The following DTNBP1 variants were observed in gnomAD, a reference collection of about 807,000 sequenced individuals.
The protein encoded by DTNBP1 is dystrobrevin binding protein 1.
In DTNBP1, 35 loss-of-function variants were observed where a neutral mutation model predicts 42.8. That is an observed-to-expected ratio of 0.82 (90% CI 0.63 to 1.09). DTNBP1 has a LOEUF of 1.09. DTNBP1 is among the 50% of genes least tolerant of loss of function. DTNBP1 has a pLI of 0.00. For synonymous variants in DTNBP1, 171 were observed against 162.2 expected, an observed-to-expected ratio of 1.05 and a Z score of -0.41; for missense variants, 457 against 424.2, an observed-to-expected ratio of 1.08 and a Z score of -0.68.
chr6:15,530,311 C>G (rs1033380023), intron 8 of DTNBP1, among the ~76,000 whole-genome samples: 13 of 152,222 alleles, frequency 8.5e-5, no homozygotes, highest in Non-Finnish European at 1.9e-4. Flanking sequence ...GTGTGGCTGT[C>G]TCTCAGCTCT....
intron 4 of DTNBP1, among the ~76,000 whole-genome samples, chr6:15,634,712 C>T (rs566454781): frequency 6.6e-6 from 1 of 152,134 alleles, no homozygotes; most frequent in South Asian, 2.1e-4. Flanking sequence ...TACATTTCCC[C>T]CAAATAATAC....
At chr6:15,603,917 C>T (rs1776828411) in intron 6 of DTNBP1, among the ~76,000 whole-genome samples, 1 of 152,156 alleles carries the variant, frequency 6.6e-6, no homozygotes, top group South Asian at 2.1e-4. Flanking sequence ...CCTGTATTAT[C>T]AGGTGAATAT....
intron 7 of DTNBP1, among the ~76,000 whole-genome samples, chr6:15,558,254 T>C (rs552024392): frequency 5.9e-4 from 89 of 151,670 alleles, no homozygotes; most frequent in Non-Finnish European, 1.1e-3. Flanking sequence ...TAATCAACTA[T>C]AAGATTCTGA....
At chr6:15,633,391 C>T (rs2619547) in intron 4 of DTNBP1, among the ~76,000 whole-genome samples, 38,308 of 152,072 alleles carry the variant, frequency 0.25, 5,594 homozygotes, top group African/African-American at 0.4. Flanking sequence ...ACATTCATGA[C>T]TCATGGGAGG....
At chr6:15,597,753 AACAG>A (rs1181510373) in intron 6 of DTNBP1, among the ~76,000 whole-genome samples, 1 of 152,338 alleles carries the variant, frequency 6.6e-6, no homozygotes, top group East Asian at 1.9e-4. Flanking sequence ...AGTTGGACCC[AACAG>A]ACACTCAGCA....
In DTNBP1 at chr6:15,556,721, G is replaced by C. The variant is rs146985301; in HGVS notation, c.512-23326C>G. Among the ~76,000 whole-genome samples the C allele has an allele frequency of 2.2e-3, 328 of 152,218 alleles. 1 individual carries two copies. Among genetic ancestry groups the C allele is most frequent in the Non-Finnish European group, 3.7e-3 (252 of 68,004 alleles). ...CCTGGCCTCCCTGAGCTCCTCGCCT[G>C]CCCAGCCCCATTTCAGGCAATGCTA... On this transcript the variant is annotated intron_variant, in intron 7 of 9. Coordinates refer to ENST00000344537, the MANE Select transcript of DTNBP1 (RefSeq NM_032122.5).
chr6:15,633,669 G>C lies in DTNBP1; in HGVS notation c.222+4075C>G, dbSNP rs149662434. 1.4e-3 allele frequency among the ~76,000 whole-genome samples: 209 copies of C among 152,186 alleles called. 1 individual carries two copies. Among genetic ancestry groups the C allele is most frequent in the African/African-American group, 4.7e-3 (197 of 41,524 alleles). Reference sequence around the variant, plus strand: ...TCAAACAGCATTGCATGCTACAGAGGAATCTTTTGTGAAAGGAAGAGTCAA... The same window carrying C: ...TCAAACAGCATTGCATGCTACAGAGCAATCTTTTGTGAAAGGAAGAGTCAA... On this transcript the variant is annotated intron_variant, in intron 4 of 9. Transcript: ENST00000344537.
intron 7 of DTNBP1, among the ~76,000 whole-genome samples, chr6:15,549,845 G>A (rs1341305998): frequency 1.3e-5 from 2 of 152,144 alleles, no homozygotes; most frequent in Admixed American, 6.5e-5. Context: ...CATTTTCATA[G>A]GACACTACAG....
chr6:15,621,671 C>T (rs925439182), intron 5 of DTNBP1, among the ~76,000 whole-genome samples: 5 of 152,232 alleles, frequency 3.3e-5, no homozygotes, highest in Admixed American at 3.3e-4. Context: ...AAAAGCTTCA[C>T]AGGCTCCCCA....
chr6:15,544,841 G>T (rs73369586), intron 7 of DTNBP1, among the ~76,000 whole-genome samples: 1 of 152,094 alleles, frequency 6.6e-6, no homozygotes, highest in Non-Finnish European at 1.5e-5. Flanking sequence ...CTTTTCTCCA[G>T]AATGTGGATG....
intron 7 of DTNBP1, among the ~76,000 whole-genome samples, chr6:15,558,320 G>A (rs1774643544): frequency 6.7e-6 from 1 of 149,864 alleles, no homozygotes; most frequent in African/African-American, 2.5e-5. Context: ...AGGCTGGAGT[G>A]CAGTGGCACA....
At chr6:15,660,428 A>AGACT (rs1761538770) in intron 1 of DTNBP1, 1 of 1,289,688 alleles carries the variant, frequency 7.8e-7, no homozygotes, top group African/African-American at 1.5e-5. Flanking sequence ...GTCTACTGGG[A>AGACT]GACTGACATC....
rs1776113341 is a variant in DTNBP1, at chr6:15,587,220, C to T, written c.511+5839G>A. Among the ~76,000 whole-genome samples the T allele has an allele frequency of 6.6e-6, 1 of 152,074 alleles. No homozygotes were observed. The highest frequency in any genetic ancestry group is 2.4e-5 in the African/African-American group (1 of 41,392). On this transcript the variant is annotated intron_variant, in intron 7 of 9. Transcript: ENST00000344537. The surrounding 1 kb of genome is among the most constrained non-coding windows in gnomAD (Gnocchi z 4.1). ...AAATTTAAGACTCACATATTGAAAA[C>T]AACAAAACTGCTTAGAAAAACTGAA... is the stretch of plus-strand genomic sequence containing the variant.
At chr6:15,660,608 A>C in intron 1 of DTNBP1, 2 of 1,238,772 alleles carry the variant, frequency 1.6e-6, no homozygotes, top group Non-Finnish European at 2.1e-6. Flanking sequence ...GGCATCTTTA[A>C]GAAGTCAAGT....
chr6:15,527,879 A>T (rs1413880836), intron 8 of DTNBP1, among the ~76,000 whole-genome samples: 2 of 152,210 alleles, frequency 1.3e-5, no homozygotes, highest in East Asian at 3.8e-4. Context: ...ATTCCATGGA[A>T]AACTTGCCAA....
At chr6:15,538,470 C>G in intron 7 of DTNBP1, among the ~76,000 whole-genome samples, 1 of 152,210 alleles carries the variant, frequency 6.6e-6, no homozygotes, top group East Asian at 1.9e-4. Context: ...AGCTCTGCGA[C>G]CCCTGATCTC....
At chr6:15,622,077 T>C (rs918578771) in intron 5 of DTNBP1, among the ~76,000 whole-genome samples, 1 of 152,198 alleles carries the variant, frequency 6.6e-6, no homozygotes, top group African/African-American at 2.4e-5. Context: ...TTGAATTCAA[T>C]AAAGAATAAT....
At chr6:15,535,841 TA>T (rs1391459513) in intron 7 of DTNBP1, among the ~76,000 whole-genome samples, 1 of 152,158 alleles carries the variant, frequency 6.6e-6, no homozygotes, top group African/African-American at 2.4e-5. Context: ...AAAATGCTGA[TA>T]GTGATGTGAA....
chr6:15,524,673 C>G lies in DTNBP1; in HGVS notation c.668-4G>C, dbSNP rs369322723. The G allele has an allele frequency of 1.2e-6, 2 of 1,612,170 alleles. No homozygotes were observed. The highest frequency in any genetic ancestry group is 4.5e-5 in the East Asian group (2 of 44,892). On this transcript the variant is annotated splice_polypyrimidine_tract_variant and splice_region_variant and intron_variant, in intron 8 of 9. Transcript: ENST00000344537. ...GATGACATGCTGCCTATGGGCTCTG[C>G]GGATAGATCAACACGAGAAAGGACA...
Sources: allele counts gnomAD v4.1 joint callset (sites outside exome capture counted in the v4.1 genomes callset), GRCh38; gene constraint gnomAD v4.1.1; non-coding constraint Gnocchi (gnomAD v3.1); transcripts MANE v1.5; gene names NCBI Gene and HGNC (gene_info 2026-07-23, HGNC 2026-07-21).